The following HP1BP3 variants were observed in gnomAD, a reference collection of about 807,000 sequenced individuals.
The protein encoded by HP1BP3 is heterochromatin protein 1 binding protein 3.
HP1BP3 carries 12 observed loss-of-function variants against 62.5 expected under a neutral mutation model. The ratio of observed to expected loss-of-function variants is 0.19; its 90% CI spans 0.12 to 0.31. The LOEUF is 0.31. HP1BP3 is among the 10% of genes least tolerant of loss of function. The pLI, the probability that HP1BP3 is intolerant of heterozygous loss-of-function variation, is 1.00. For missense variants in HP1BP3, 502 were observed against 651.8 expected (o/e 0.77, Z 2.50); for synonymous variants, 260 against 237.8 (o/e 1.09, Z -0.86).
intron 8 of HP1BP3, among the ~76,000 whole-genome samples, chr1:20,762,507 C>G (rs936600502): frequency 3.9e-5 from 6 of 152,140 alleles, no homozygotes; most frequent in African/African-American, 1.4e-4. Flanking sequence ...ATCACAAACC[C>G]TAATCACGAA....
intron 11 of HP1BP3, among the ~76,000 whole-genome samples, chr1:20,746,186 A>ATATATGTGTGTGTGTGTGTGTG (rs1286650893): frequency 1.4e-5 from 2 of 143,148 alleles, no homozygotes; most frequent in African/African-American, 5.4e-5. Flanking sequence ...ACATACATAT[A>ATATATGTGTGTGTGTGTGTGTG]TGTGTGTGTG....
At chr1:20,771,136 A>T in intron 5 of HP1BP3, 63 bp from the exon 6 acceptor site, 1 of 1,342,096 alleles carries the variant, frequency 7.5e-7, no homozygotes, top group South Asian at 1.4e-5. Context: ...ATATATTTTC[A>T]AAATAAATTA....
At chr1:20,761,398 G>C (rs992429238) in intron 8 of HP1BP3, among the ~76,000 whole-genome samples, 1 of 152,126 alleles carries the variant, frequency 6.6e-6, no homozygotes, top group East Asian at 1.9e-4. Flanking sequence ...ATTAGATAAA[G>C]GTGTCTGATA....
chr1:20,755,030 G>C (rs1288687699), intron 9 of HP1BP3, among the ~76,000 whole-genome samples: 1 of 152,184 alleles, frequency 6.6e-6, no homozygotes, highest in African/African-American at 2.4e-5. Context: ...GAAAAAATCT[G>C]ATGAGACTTT....
intron 1 of HP1BP3, among the ~76,000 whole-genome samples, chr1:20,783,042 T>C (rs2057645194): frequency 6.6e-6 from 1 of 150,384 alleles, no homozygotes; most frequent in Admixed American, 6.6e-5. Flanking sequence ...TGTCCAGGAG[T>C]TCCAGGCTAC....
intron 4 of HP1BP3, chr1:20,776,077 T>C (rs2057294007): frequency 9.9e-6 from 13 of 1,307,626 alleles, no homozygotes; most frequent in South Asian, 6.1e-5. Flanking sequence ...TACACATCAA[T>C]AGCAAATTTT....
chr1:20,783,769 C>CAAAAAAAAAAAAA (rs1164930528), intron 1 of HP1BP3, among the ~76,000 whole-genome samples: 1 of 53,134 alleles, frequency 1.9e-5, no homozygotes, highest in Admixed American at 2.6e-4. Context: ...GACTCTGTCT[C>CAAAAAAAAAAAAA]AAAAAAAAAA....
intron 5 of HP1BP3, among the ~76,000 whole-genome samples, chr1:20,772,164 A>G (rs2057089700): frequency 6.6e-6 from 1 of 152,212 alleles, no homozygotes; most frequent in Non-Finnish European, 1.5e-5. Context: ...CGACAGTGAG[A>G]TGGTAGTAGA....
Position 20,744,688 on chromosome 1 carries a change from G to A in HP1BP3, c.*109C>T. The A allele has an allele frequency of 9.4e-7, 1 of 1,062,448 alleles. No homozygotes were observed. Among genetic ancestry groups the A allele is most frequent in the East Asian group, 2.4e-5 (1 of 41,626 alleles). 65.8% of individuals were successfully genotyped at this position (1,062,448 alleles called of 1,614,324 possible). On this transcript the variant is annotated 3_prime_UTR_variant, in exon 13 of 13. Transcript: ENST00000438032. ...AGAGTCCCTCCCCACAATGTTCATA[G>A]GGGAGGAAAATAATGTAATTTGAAA...
chr1:20,764,040 G>C (rs1403617638), intron 8 of HP1BP3, among the ~76,000 whole-genome samples: 1 of 152,002 alleles, frequency 6.6e-6, no homozygotes, highest in African/African-American at 2.4e-5. Context: ...ATACCCAGAT[G>C]CAATTTTTCT....
rs148057005 is a variant in HP1BP3, at chr1:20,744,325, AC to A, written c.*471del. ...GCTTTTATAAATAAGATTAATTATT[AC>A]AGCTATAACTGAAGTCTCCAGGCAG... On this transcript the variant is annotated 3_prime_UTR_variant, in exon 13 of 13. Transcript: ENST00000438032. 6.5e-6 allele frequency: 1 copy of A among 153,534 alleles called. No individual in the cohort carries two copies. The highest frequency in any genetic ancestry group is 2.4e-5 in the African/African-American group (1 of 41,592). 9.5% of individuals were successfully genotyped at this position (153,534 alleles called of 1,614,324 possible).
intron 10 of HP1BP3, among the ~76,000 whole-genome samples, chr1:20,747,870 A>G (rs1211853447): frequency 1.3e-5 from 2 of 152,180 alleles, no homozygotes; most frequent in African/African-American, 2.4e-5. Flanking sequence ...ATACATACAT[A>G]TATCTATATT....
At chr1:20,764,548 G>A (rs757042903) in intron 8 of HP1BP3, among the ~76,000 whole-genome samples, 6 of 150,924 alleles carry the variant, frequency 4.0e-5, no homozygotes, top group Non-Finnish European at 8.8e-5. Context: ...ACCTGGTAGA[G>A]TAACTCTTTT....
chr1:20,752,533 AC>A (rs1237319048), intron 9 of HP1BP3, among the ~76,000 whole-genome samples: 1 of 151,664 alleles, frequency 6.6e-6, no homozygotes, highest in Non-Finnish European at 1.5e-5. Context: ...CAGGTAAACC[AC>A]CCGCCTCAGC....
At chr1:20,758,497 C>T (rs1172062840) in intron 8 of HP1BP3, among the ~76,000 whole-genome samples, 1 of 152,208 alleles carries the variant, frequency 6.6e-6, no homozygotes, top group East Asian at 1.9e-4. Context: ...CAGGCGCGTG[C>T]CACCACGCCC....
chr1:20,757,353 G>GATTTCT, intron 8 of HP1BP3, 97 bp from the exon 9 acceptor site: 1 of 586,324 alleles, frequency 1.7e-6, no homozygotes, highest in Non-Finnish European at 2.7e-6. Context: ...CTAGAGTTCT[G>GATTTCT]ATTACTATTA....
intron 8 of HP1BP3, among the ~76,000 whole-genome samples, chr1:20,758,276 T>C (rs1473561959): frequency 1.3e-5 from 2 of 152,212 alleles, no homozygotes; most frequent in African/African-American, 4.8e-5. Flanking sequence ...AGTTGAACAT[T>C]TACTAGGTAC....
At chr1:20,751,815 G>C (rs1448442092) in intron 9 of HP1BP3, among the ~76,000 whole-genome samples, 1 of 151,670 alleles carries the variant, frequency 6.6e-6, no homozygotes, top group African/African-American at 2.4e-5. Context: ...GGTAACAAAG[G>C]TTAGCAAATA....
At chr1:20,753,761 A>C (rs1271390823) in intron 9 of HP1BP3, among the ~76,000 whole-genome samples, 1 of 152,254 alleles carries the variant, frequency 6.6e-6, no homozygotes, top group Non-Finnish European at 1.5e-5. Context: ...AACAAAGGAC[A>C]CAAACCACAC....
Sources: allele counts gnomAD v4.1 joint callset (sites outside exome capture counted in the v4.1 genomes callset), GRCh38; gene constraint gnomAD v4.1.1; transcripts MANE v1.5; gene names NCBI Gene and HGNC (gene_info 2026-07-23, HGNC 2026-07-21).